DNAJC1: variants seen among roughly 807,000 people sequenced by gnomAD.
DNAJC1 encodes the protein dnaJ homolog subfamily C member 1.
A neutral mutation model predicts 76.6 loss-of-function variants in DNAJC1; 58 were observed. The ratio of observed to expected loss-of-function variants is 0.76; its 90% confidence interval spans 0.61 to 0.94. DNAJC1 has a LOEUF of 0.94. Among genes scored for constraint, DNAJC1 ranks in the 40% least tolerant of loss-of-function variants. The pLI is 0.00. For missense variants in DNAJC1, 689 were observed against 677.3 expected (o/e 1.02, Z -0.19); for synonymous variants, 258 against 267.9 (o/e 0.96, Z 0.36).
At chr10:21,819,209 T>C (rs777488135) in intron 8 of DNAJC1, among the ~76,000 whole-genome samples, 2 of 152,134 alleles carry the variant, frequency 1.3e-5, no homozygotes, top group African/African-American at 4.8e-5. Flanking sequence ...AAGACCACCC[T>C]GGCTAACATG....
At chr10:21,785,585 T>A (rs1426167837) in intron 9 of DNAJC1, 1 of 152,194 alleles carries the variant, frequency 6.6e-6, no homozygotes, top group Middle Eastern at 3.2e-3. Context: ...CTAGAATTCC[T>A]TTGAAAAATA....
intron 8 of DNAJC1, among the ~76,000 whole-genome samples, chr10:21,869,503 A>G (rs1332491139): frequency 2.0e-5 from 3 of 152,054 alleles, no homozygotes; most frequent in Admixed American, 6.5e-5. Context: ...GCCTGTAACT[A>G]TTGTCTCCCT....
chr10:21,947,569 T>A (rs1564835454), intron 1 of DNAJC1, among the ~76,000 whole-genome samples: 1 of 152,232 alleles, frequency 6.6e-6, no homozygotes, highest in East Asian at 1.9e-4. Context: ...ATGATACATA[T>A]AACGTGTTAA....
chr10:21,887,297 TA>T (rs1348410136), intron 7 of DNAJC1, among the ~76,000 whole-genome samples: 1 of 152,090 alleles, frequency 6.6e-6, no homozygotes, highest in African/African-American at 2.4e-5. Context: ...CAGTATCATT[TA>T]AATGGTCATA....
intron 8 of DNAJC1, among the ~76,000 whole-genome samples, chr10:21,837,385 TGA>T (rs1835479701): frequency 6.6e-6 from 1 of 151,348 alleles, no homozygotes; most frequent in South Asian, 2.1e-4. Context: ...GTCTGGGATG[TGA>T]GGAGCCCCTC....
At chr10:21,975,343 A>G (rs1249532219) in intron 1 of DNAJC1, among the ~76,000 whole-genome samples, 2 of 152,106 alleles carry the variant, frequency 1.3e-5, no homozygotes, top group African/African-American at 4.8e-5. Flanking sequence ...ATAAATGAGA[A>G]AGAGAGTGAG....
chr10:21,788,521 T>G (rs1190942983), intron 9 of DNAJC1, among the ~76,000 whole-genome samples: 2 of 152,208 alleles, frequency 1.3e-5, no homozygotes, highest in Non-Finnish European at 2.9e-5. Context: ...CCCTATGGTC[T>G]GGGCTGTTAA....
intron 11 of DNAJC1, 22 bp downstream of exon 11, chr10:21,759,148 G>A (rs1310586496): frequency 4.4e-6 from 7 of 1,600,592 alleles, no homozygotes; most frequent in Non-Finnish European, 6.0e-6. Context: ...CCTGTGCAGA[G>A]GCCTCTTTCC....
At chr10:21,967,663 G>A (rs1837914558) in intron 1 of DNAJC1, among the ~76,000 whole-genome samples, 1 of 152,208 alleles carries the variant, frequency 6.6e-6, no homozygotes, top group Non-Finnish European at 1.5e-5. Flanking sequence ...AAATATGATA[G>A]AAAATGATTT....
At chr10:21,993,947 G>A (rs1838371899) in intron 1 of DNAJC1, among the ~76,000 whole-genome samples, 3 of 151,958 alleles carry the variant, frequency 2.0e-5, no homozygotes, top group South Asian at 4.2e-4. Flanking sequence ...GTAATAAGTA[G>A]TCCAAGAGTC....
chr10:21,901,673 T>C (rs1191410777), intron 7 of DNAJC1, among the ~76,000 whole-genome samples: 1 of 152,228 alleles, frequency 6.6e-6, no homozygotes, highest in East Asian at 1.9e-4. Flanking sequence ...AAAGTAGTTC[T>C]GGTGCAGCCC....
chr10:21,824,008 A>G (rs139914384), intron 8 of DNAJC1, among the ~76,000 whole-genome samples: 61 of 152,346 alleles, frequency 4.0e-4, no homozygotes, highest in African/African-American at 1.4e-3. Context: ...ATATGGACAA[A>G]TTCCTTGAGT....
chr10:21,812,980 G>C (rs936430504), intron 8 of DNAJC1, among the ~76,000 whole-genome samples: 1 of 149,890 alleles, frequency 6.7e-6, no homozygotes, highest in Non-Finnish European at 1.5e-5. Flanking sequence ...GGAAGGGATA[G>C]GGTGTGTTTT....
intron 9 of DNAJC1, among the ~76,000 whole-genome samples, chr10:21,780,390 T>G (rs1164289474): frequency 2.6e-5 from 4 of 152,014 alleles, no homozygotes; most frequent in South Asian, 2.1e-4. Context: ...GACTAACAGC[T>G]GATCTCTTGG....
At chr10:21,927,167 C>G (rs1424009477) in intron 3 of DNAJC1, among the ~76,000 whole-genome samples, 1 of 152,148 alleles carries the variant, frequency 6.6e-6, no homozygotes, top group African/African-American at 2.4e-5. Flanking sequence ...TATCTCAAAC[C>G]AGAGGAATGT....
chr10:21,817,604 A>G (rs2131655236), intron 8 of DNAJC1, among the ~76,000 whole-genome samples: 1 of 152,334 alleles, frequency 6.6e-6, no homozygotes, highest in East Asian at 1.9e-4. Flanking sequence ...GAGCCAAATT[A>G]AAATTCAAAG....
In DNAJC1 at chr10:21,910,470, A is replaced by C. The variant is rs576510067; in HGVS notation, c.730-5858T>G. 3.3e-5 allele frequency among the ~76,000 whole-genome samples: 5 copies of C among 152,272 alleles called. No homozygotes were observed. The South Asian group carries it at 1.0e-3, about 32-fold the overall frequency. ...AGAACATGCTAAGGTGGCACTGTTT[A>C]TAATGTTTTGGTTCACTTTTATCTC... On this transcript the variant is annotated intron_variant, in intron 6 of 11. Coordinates refer to ENST00000376980, the MANE Select transcript of DNAJC1 (RefSeq NM_022365.4).
chr10:21,795,167 G>A (rs1481244553), intron 9 of DNAJC1, among the ~76,000 whole-genome samples: 2 of 152,082 alleles, frequency 1.3e-5, no homozygotes, highest in African/African-American at 2.4e-5. Context: ...TAAATAAGAC[G>A]TAGGAATGGC....
chr10:21,780,544 C>T (rs1312048867), intron 9 of DNAJC1, among the ~76,000 whole-genome samples: 2 of 152,160 alleles, frequency 1.3e-5, no homozygotes, highest in Non-Finnish European at 2.9e-5. Flanking sequence ...CAAGCAAATG[C>T]TGAGAGATTT....
Sources: gnomAD v4.1 joint callset for allele counts (sites outside exome capture counted in the v4.1 genomes callset) on GRCh38, gnomAD v4.1.1 for gene constraint, MANE v1.5 for transcripts, NCBI Gene and HGNC (gene_info 2026-07-23, HGNC 2026-07-21) for gene names.